Variants in PHACTR2 observed in about 807,000 individuals in gnomAD.
The protein encoded by PHACTR2 is phosphatase and actin regulator 2, also known as chromosome 6 open reading frame 56.
A neutral mutation model predicts 76.0 loss-of-function variants in PHACTR2; 30 were observed. The ratio of observed to expected loss-of-function variants is 0.39; its 90% CI spans 0.30 to 0.54. The LOEUF (loss-of-function observed/expected upper bound fraction) is 0.54, where lower values mean the gene tolerates loss of function less well. Among genes scored for constraint, PHACTR2 ranks in the 20% least tolerant of loss-of-function variants. The pLI is 0.61. For synonymous variants in PHACTR2, 292 were observed against 292.5 expected, an observed-to-expected ratio of 1.00 and a Z score of 0.02; for missense variants, 696 against 781.1, an observed-to-expected ratio of 0.89 and a Z score of 1.30.
Position 143,563,557 on chromosome 6 carries a change from A to AAAAAAAAC in PHACTR2, c.217+26357_217+26358insCAAAAAAA, listed in dbSNP as rs1554287767. On this transcript the variant is annotated intron_variant, in intron 1 of 11. Transcript: ENST00000367584. ...GGCGACACAAACTCCGTCTCAAAAA[A>AAAAAAAAC]AAAAAAAAAAAAAAGAAGAAACCCT... Among the ~76,000 whole-genome samples, 336 of 100,350 alleles carry AAAAAAAAC rather than the reference A, an allele frequency of 3.3e-3. 2 individuals carry two copies. Among genetic ancestry groups the AAAAAAAAC allele is most frequent in the Middle Eastern group, 5.2e-3 (1 of 192 alleles). 65.8% of individuals were successfully genotyped at this position (100,350 alleles called of 152,430 possible).
chr6:143,544,888 A>C (rs1429016699), intron 1 of PHACTR2, among the ~76,000 whole-genome samples: 1 of 152,180 alleles, frequency 6.6e-6, no homozygotes, highest in Non-Finnish European at 1.5e-5. Context: ...AAAATGTGTA[A>C]ATAGAAGATT....
chr6:143,599,528 CAT>C lies in PHACTR2; in HGVS notation c.217+62322_217+62323del, dbSNP rs1010530826. 2.6e-5 allele frequency among the ~76,000 whole-genome samples: 4 copies of C among 152,156 alleles called. No individual in the cohort carries two copies. The highest frequency in any genetic ancestry group is 7.2e-5 in the African/African-American group (3 of 41,432). On this transcript the variant is annotated intron_variant, in intron 1 of 11. Coordinates refer to the PHACTR2 transcript ENST00000367584. This position sits in a 1 kb window ranked among gnomAD's most constrained non-coding sequence, Gnocchi z 4.6. The stretch of plus-strand genomic sequence containing the variant: ...ACGTCTTTCATGGAAGCAATCAATA[CAT>C]GTTTGATAAGAAGTAACCCAACTTA...
rs1026455248 is a variant in PHACTR2, at chr6:143,757,437, A to G, written c.455-2964A>G. On this transcript the variant is annotated intron_variant, in intron 4 of 12. Transcript: ENST00000440869. The surrounding 1 kb of genome is among the most constrained non-coding windows in gnomAD (Gnocchi z 4.2). Reference sequence around the variant, plus strand: ...GAAGGAAACAAGAAGGAGGTCATCAAGTGAAGCAGAGGAATTGGGTAAGAA... The same window carrying G: ...GAAGGAAACAAGAAGGAGGTCATCAGGTGAAGCAGAGGAATTGGGTAAGAA... Among the ~76,000 whole-genome samples, 2 of 152,260 alleles carry G rather than the reference A, an allele frequency of 1.3e-5. No homozygotes were observed. The highest frequency in any genetic ancestry group is 2.4e-5 in the African/African-American group (1 of 41,480).
At chr6:143,651,685 G>A (rs1776767002) in intron 1 of PHACTR2, among the ~76,000 whole-genome samples, 1 of 150,260 alleles carries the variant, frequency 6.7e-6, no homozygotes, top group African/African-American at 2.4e-5. Context: ...ACTGGGGCCT[G>A]TTAGGGGGTG....
In PHACTR2 at chr6:143,608,277, A is replaced by G. The variant is rs368090082; in HGVS notation, c.-33A>G. The G allele has an allele frequency of 1.2e-4, 188 of 1,613,532 alleles. No homozygotes were observed. The highest frequency in any genetic ancestry group is 5.0e-4 in the Admixed American group (30 of 59,988). On this transcript the variant is annotated 5_prime_UTR_variant, in exon 1 of 12. Transcript: ENST00000305766. The surrounding 1 kb of genome is among the most constrained non-coding windows in gnomAD (Gnocchi z 4.6). The stretch of plus-strand genomic sequence containing the variant: ...GAAGAGCCAGGGCTTCCCGGCTGCC[A>G]GGCTACAGAACTCGCCTCGCCACTC...
chr6:143,626,875 G>A (rs76853790), intron 1 of PHACTR2, among the ~76,000 whole-genome samples: 1,724 of 152,160 alleles, frequency 0.011, 39 homozygotes, highest in African/African-American at 0.039. Context: ...CATTGAGCAG[G>A]TATATATTCA....
At chr6:143,703,310 G>T (rs1440951945) in intron 1 of PHACTR2, among the ~76,000 whole-genome samples, 1 of 152,058 alleles carries the variant, frequency 6.6e-6, no homozygotes, top group African/African-American at 2.4e-5. Context: ...TTGACACTTT[G>T]GTCTGAATGT....
At chr6:143,732,146 A>G (rs1278821761) in intron 2 of PHACTR2, among the ~76,000 whole-genome samples, 1 of 152,234 alleles carries the variant, frequency 6.6e-6, no homozygotes, top group Non-Finnish European at 1.5e-5. Flanking sequence ...TTGACATATA[A>G]TTGATATACC....
chr6:143,705,876 A>G (rs2128459640), intron 1 of PHACTR2, among the ~76,000 whole-genome samples: 1 of 152,326 alleles, frequency 6.6e-6, no homozygotes, highest in South Asian at 2.1e-4. Context: ...CACTATGGAT[A>G]GCCCACATTT....
rs1207677011 is a variant in PHACTR2 at position 143,648,914 on chromosome 6, G to C, written c.13+40592G>C. Among the ~76,000 whole-genome samples, 1 of 151,156 alleles carries C rather than the reference G, an allele frequency of 6.6e-6. No homozygotes were observed. The highest frequency in any genetic ancestry group is 1.5e-5 in the Non-Finnish European group (1 of 67,798). Reference sequence around the variant, plus strand: ...TTTGTGTGTGTGTGTGTGTCTGTCTGGGTCTATGTGTATGTCTATGTCTAT... The same window carrying C: ...TTTGTGTGTGTGTGTGTGTCTGTCTCGGTCTATGTGTATGTCTATGTCTAT... On this transcript the variant is annotated intron_variant, in intron 1 of 11. Transcript: ENST00000305766. This position sits in a 1 kb window ranked among gnomAD's most constrained non-coding sequence, Gnocchi z 6.7.
chr6:143,539,559 A>G lies in PHACTR2; in HGVS notation c.217+2352A>G, dbSNP rs915427853. Reference sequence around the variant, plus strand: ...GGGATCTCTGAATTATCTCAGAGGCACAATAAGAGGGTTACACGCCTTGTA... The same window carrying G: ...GGGATCTCTGAATTATCTCAGAGGCGCAATAAGAGGGTTACACGCCTTGTA... On this transcript the variant is annotated intron_variant, in intron 1 of 11. Transcript: ENST00000367584. The surrounding 1 kb of genome is among the most constrained non-coding windows in gnomAD (Gnocchi z 4.3). 3.3e-5 allele frequency among the ~76,000 whole-genome samples: 5 copies of G among 152,216 alleles called. No homozygotes were observed. Among genetic ancestry groups the G allele is most frequent in the Non-Finnish European group, 5.9e-5 (4 of 68,042 alleles).
Position 143,678,292 on chromosome 6 carries a change from G to A in PHACTR2, c.46+83G>A. The A allele has an allele frequency of 7.0e-6, 9 of 1,286,488 alleles. No individual in the cohort carries two copies. The highest frequency in any genetic ancestry group is 1.8e-5 in the South Asian group (1 of 56,350). The allele number at this position is 1,286,488 out of a possible 1,614,324, so 79.7% of individuals were successfully genotyped here. A position where few individuals can be genotyped will look rare whatever the true frequency, so the allele number is the denominator to read the frequency against. On this transcript the variant is annotated intron_variant, in intron 1 of 12. Transcript: ENST00000440869. This position sits in a 1 kb window ranked among gnomAD's most constrained non-coding sequence, Gnocchi z 6.2. ...GGCCCCGGGGCAGGCAGGGTTAGTC[G>A]TCTGGTCGGGTTCCGCTCGGACCCG...
In PHACTR2 at chr6:143,743,961, C is replaced by T. The variant is rs1778999461; in HGVS notation, c.215-5024C>T. Among the ~76,000 whole-genome samples the T allele has an allele frequency of 6.6e-6, 1 of 152,190 alleles. No individual in the cohort carries two copies. The highest frequency in any genetic ancestry group is 1.5e-5 in the Non-Finnish European group (1 of 68,036). ...CCAGCCAAGTATCCGCAGAAAAAAG[C>T]CAGCGGCATATGCTCCAGCCTCTTT... On this transcript the variant is annotated intron_variant, in intron 2 of 12. Transcript: ENST00000440869. The surrounding 1 kb of genome is among the most constrained non-coding windows in gnomAD (Gnocchi z 5.0).
rs1425669510 is a variant in PHACTR2 at position 143,700,229 on chromosome 6, T to G, written c.47-11787T>G. On this transcript the variant is annotated intron_variant, in intron 1 of 12. Coordinates refer to ENST00000440869, the MANE Select transcript of PHACTR2 (RefSeq NM_001100164.2). The surrounding 1 kb of genome is among the most constrained non-coding windows in gnomAD (Gnocchi z 4.1). The stretch of plus-strand genomic sequence containing the variant: ...CAATGGGAATTTTTTCATAATTTTG[T>G]CTGAAACAAAATTTAGCCCCTTACT... 6.6e-6 allele frequency among the ~76,000 whole-genome samples: 1 copy of G among 152,194 alleles called. No homozygotes were observed. The highest frequency in any genetic ancestry group is 2.4e-5 in the African/African-American group (1 of 41,454).
rs189914385 is a variant in PHACTR2 at position 143,567,348 on chromosome 6, G to C, written c.217+30141G>C. Among the ~76,000 whole-genome samples the C allele has an allele frequency of 2.6e-5, 4 of 151,980 alleles. No homozygotes were observed. The East Asian group carries it at 5.8e-4, about 22-fold the overall frequency. ...TTCTCCTATAGTTTTCTCCATACAG[G>C]CTTTGGTCTTTGATTTTTATTATTT... On this transcript the variant is annotated intron_variant, in intron 1 of 11. Coordinates refer to the PHACTR2 transcript ENST00000367584.
intron 1 of PHACTR2, among the ~76,000 whole-genome samples, chr6:143,552,073 CTT>C (rs1392137313): frequency 6.6e-6 from 1 of 152,142 alleles, no homozygotes; most frequent in African/African-American, 2.4e-5. Context: ...GAGTAGTAGA[CTT>C]TTGTAATCTC....
rs1181710705 is a variant in PHACTR2 at position 143,757,278 on chromosome 6, A to C, written c.455-3123A>C. Among the ~76,000 whole-genome samples the C allele has an allele frequency of 6.6e-6, 1 of 152,238 alleles. No homozygotes were observed. The highest frequency in any genetic ancestry group is 1.5e-5 in the Non-Finnish European group (1 of 68,050). ...TGCCTTAAGAGCATGACCTGTGAGG[A>C]GACCAGAATGCAAACGGGCAATTGT... On this transcript the variant is annotated intron_variant, in intron 4 of 12. Coordinates refer to ENST00000440869, the MANE Select transcript of PHACTR2 (RefSeq NM_001100164.2). This position sits in a 1 kb window ranked among gnomAD's most constrained non-coding sequence, Gnocchi z 4.2.
chr6:143,704,361 A>G (rs1452464697), intron 1 of PHACTR2, among the ~76,000 whole-genome samples: 2 of 152,146 alleles, frequency 1.3e-5, no homozygotes, highest in East Asian at 1.9e-4. Flanking sequence ...TTTTGGAGAG[A>G]AAGATGGCCA....
intron 1 of PHACTR2, among the ~76,000 whole-genome samples, chr6:143,699,763 G>A (rs9496739): frequency 0.38 from 58,331 of 152,010 alleles, 14,126 homozygotes; most frequent in African/African-American, 0.7. Flanking sequence ...TTTCTCCTCA[G>A]TGTCCCTCAG....
Sources: gnomAD v4.1 joint callset for allele counts (sites outside exome capture counted in the v4.1 genomes callset) on GRCh38, gnomAD v4.1.1 for gene constraint, Gnocchi (gnomAD v3.1) non-coding constraint, MANE v1.5 for transcripts, NCBI Gene and HGNC (gene_info 2026-07-23, HGNC 2026-07-21) for gene names.